The following RALGAPA2 variants were observed in gnomAD, a reference collection of about 807,000 sequenced individuals.
RALGAPA2 encodes ral GTPase-activating protein subunit alpha-2.
A neutral mutation model predicts 230.4 loss-of-function variants in RALGAPA2; 139 were observed. The observed-to-expected ratio is 0.60, with a 90% confidence interval of 0.53 to 0.69. The LOEUF is 0.69. RALGAPA2 is among the 30% of genes least tolerant of loss of function. The pLI is 0.00. For missense variants in RALGAPA2, 2,163 were observed against 2,276.0 expected (o/e 0.95, Z 1.01); for synonymous variants, 847 against 837.8 (o/e 1.01, Z -0.19).
At chr20:20,440,085 G>A (rs773833002) in intron 37 of RALGAPA2, among the ~76,000 whole-genome samples, 1 of 151,946 alleles carries the variant, frequency 6.6e-6, no homozygotes, top group African/African-American at 2.4e-5. Context: ...ATCTCCACAC[G>A]GGCAGCAGCA....
chr20:20,471,899 A>G (rs909121817), intron 37 of RALGAPA2: 2 of 152,176 alleles, frequency 1.3e-5, no homozygotes, highest in Non-Finnish European at 2.9e-5. Context: ...ATCTATTCAC[A>G]TGGGATAGTT....
At chr20:20,631,371 G>A (rs574387349) in intron 9 of RALGAPA2, among the ~76,000 whole-genome samples, 72 of 152,256 alleles carry the variant, frequency 4.7e-4, no homozygotes, top group African/African-American at 1.7e-3. Context: ...TACCTTCCAG[G>A]GCAAAAGAGA....
chr20:20,661,847 A>C (rs1040909631), intron 3 of RALGAPA2, among the ~76,000 whole-genome samples: 2 of 152,242 alleles, frequency 1.3e-5, no homozygotes, highest in Non-Finnish European at 2.9e-5. Context: ...AAAAAGTATT[A>C]ACAGGACAAA....
chr20:20,432,400 C>T (rs889262645), intron 37 of RALGAPA2, among the ~76,000 whole-genome samples: 2 of 152,138 alleles, frequency 1.3e-5, no homozygotes, highest in Non-Finnish European at 2.9e-5. Flanking sequence ...TCCCTGAGCT[C>T]GTGACGGTGC....
At chr20:20,493,952 T>C (rs1013689485) in intron 36 of RALGAPA2, among the ~76,000 whole-genome samples, 72 of 152,210 alleles carry the variant, frequency 4.7e-4, no homozygotes, top group South Asian at 4.1e-4. Context: ...AATGGGACTT[T>C]TATGAATTCA....
At chr20:20,424,525 G>A (rs143260613) in intron 37 of RALGAPA2, among the ~76,000 whole-genome samples, 1 of 152,278 alleles carries the variant, frequency 6.6e-6, no homozygotes, top group East Asian at 1.9e-4. Context: ...CACTTGAACC[G>A]TGTTTCTCTT....
chr20:20,412,140 T>A lies in RALGAPA2; in HGVS notation c.5504A>T (p.Glu1835Val). The change falls in exon 38 of 40, where the codon GAG becomes GTG. Residue 1835 changes from glutamate (E) to valine (V), a missense_variant. Transcript: ENST00000202677. The stretch of plus-strand genomic sequence containing the variant: ...TATTGCTTCGAGATACAGAGCTCGC[T>A]CTTCATAGCTGCGGTAATCGGTTAA... ...LIPLYQSFYE[E>V]RALYLEAIIQ... 1 of 1,613,954 alleles carries A rather than the reference T, an allele frequency of 6.2e-7. No individual in the cohort carries two copies. The highest frequency in any genetic ancestry group is 8.5e-7 in the Non-Finnish European group (1 of 1,179,850).
In RALGAPA2 at chr20:20,392,045, C is replaced by T. The variant is rs954033458; in HGVS notation, c.*1244G>A. On this transcript the variant is annotated 3_prime_UTR_variant, in exon 40 of 40. Transcript: ENST00000202677. ...TGAGGCAGGTCAAGGGTCCAGGACA[C>T]AGCCTGGGGCCTGCGCCAGCAGCTC... The T allele has an allele frequency of 1.3e-5, 2 of 152,312 alleles. No homozygotes were observed. The highest frequency in any genetic ancestry group is 2.4e-5 in the African/African-American group (1 of 41,478). 9.4% of individuals were successfully genotyped at this position (152,312 alleles called of 1,614,324 possible). A position where few individuals can be genotyped will look rare whatever the true frequency, so the allele number is the denominator to read the frequency against.
chr20:20,708,088 T>C (rs779007320), intron 1 of RALGAPA2, among the ~76,000 whole-genome samples: 23 of 152,094 alleles, frequency 1.5e-4, no homozygotes, highest in Non-Finnish European at 3.4e-4. Context: ...TTTCAAAAAC[T>C]TCATATGAAA....
In RALGAPA2 at chr20:20,531,827, C is replaced by G. The variant is rs1403455764; in HGVS notation, c.3474-32G>C. 2.1e-6 allele frequency: 3 copies of G among 1,458,658 alleles called. No individual in the cohort carries two copies. The African/African-American group carries it at 4.2e-5, about 20-fold the overall frequency. 90.4% of individuals were successfully genotyped at this position (1,458,658 alleles called of 1,614,324 possible). ...AAAAAGAAGAAAACAGAGGAAAACTCTCATGAAACTTAATATACTTTCTCA... is the reference window on the plus strand; with the variant it reads ...AAAAAGAAGAAAACAGAGGAAAACTGTCATGAAACTTAATATACTTTCTCA... On this transcript the variant is annotated intron_variant, in intron 26 of 39. Coordinates refer to ENST00000202677, the MANE Select transcript of RALGAPA2 (RefSeq NM_020343.4).
chr20:20,453,682 G>A (rs750712597), intron 37 of RALGAPA2, among the ~76,000 whole-genome samples: 4 of 152,196 alleles, frequency 2.6e-5, no homozygotes, highest in Non-Finnish European at 4.4e-5. Context: ...ACAGCCATGA[G>A]GAAACTGTGC....
chr20:20,577,694 G>A (rs2064861668), intron 20 of RALGAPA2, among the ~76,000 whole-genome samples: 1 of 152,040 alleles, frequency 6.6e-6, no homozygotes, highest in South Asian at 2.1e-4. Context: ...ATCAATAAAT[G>A]CTTATGAATC....
chr20:20,537,271 T>A (rs1228478587), intron 24 of RALGAPA2, among the ~76,000 whole-genome samples: 1 of 152,160 alleles, frequency 6.6e-6, no homozygotes, highest in African/African-American at 2.4e-5. Context: ...AGATACTATA[T>A]CACTATATCT....
intron 25 of RALGAPA2, among the ~76,000 whole-genome samples, chr20:20,536,046 T>C (rs1006587163): frequency 4.6e-5 from 7 of 152,214 alleles, no homozygotes; most frequent in Admixed American, 4.6e-4. Flanking sequence ...GCGCTTCTGG[T>C]ATAAAGCAAA....
intron 24 of RALGAPA2, 33 bp downstream of exon 24, chr20:20,546,671 G>T (rs768929389): frequency 6.4e-7 from 1 of 1,559,232 alleles, no homozygotes; most frequent in Non-Finnish European, 8.6e-7. Flanking sequence ...GAAGCCTCTT[G>T]GGAGCTGGGA....
intron 39 of RALGAPA2, among the ~76,000 whole-genome samples, chr20:20,395,413 C>A (rs900169109): frequency 5.3e-5 from 8 of 152,356 alleles, no homozygotes; most frequent in African/African-American, 1.9e-4. Flanking sequence ...TGCCTCCTCC[C>A]GGTGATGGAA....
At chr20:20,557,675 A>G (rs921963376) in intron 23 of RALGAPA2, among the ~76,000 whole-genome samples, 1 of 152,210 alleles carries the variant, frequency 6.6e-6, no homozygotes, top group African/African-American at 2.4e-5. Context: ...CCTGCACCCT[A>G]TGTTACCCCA....
intron 32 of RALGAPA2, among the ~76,000 whole-genome samples, chr20:20,512,269 A>ACACACACACACAC (rs1569454681): frequency 1.3e-5 from 2 of 151,802 alleles, no homozygotes; most frequent in East Asian, 1.9e-4. Context: ...ACACACACAC[A>ACACACACACACAC]AATGTTTGAT....
Position 20,532,798 on chromosome 20 carries a change from A to T in RALGAPA2, c.3474-1003T>A, listed in dbSNP as rs565797959. Among the ~76,000 whole-genome samples the T allele has an allele frequency of 2.0e-5, 3 of 152,336 alleles. No individual in the cohort carries two copies. In the South Asian group the frequency reaches 6.2e-4, roughly 32 times the overall value. Reference sequence around the variant, plus strand: ...GTCACTCTAACATTCATCAGAGATTAGGTAGAGGAGGAGAGGTCAGCAAAA... The same window carrying T: ...GTCACTCTAACATTCATCAGAGATTTGGTAGAGGAGGAGAGGTCAGCAAAA... On this transcript the variant is annotated intron_variant, in intron 26 of 39. Transcript: ENST00000202677.
Sources: gnomAD v4.1 joint callset for allele counts (sites outside exome capture counted in the v4.1 genomes callset) on GRCh38, gnomAD v4.1.1 for gene constraint, MANE v1.5 for transcripts, NCBI Gene and HGNC (gene_info 2026-07-23, HGNC 2026-07-21) for gene names.